GLYATL2: variants seen among roughly 807,000 people sequenced by gnomAD.
GLYATL2 encodes glycine-N-acyltransferase like 2, also known as glycine N-acyltransferase-like protein 2.
In GLYATL2, 25 loss-of-function variants were observed where a neutral mutation model predicts 21.4. The observed-to-expected ratio is 1.17, with a 90% CI of 0.85 to 1.63. The LOEUF is 1.63. Among genes scored for constraint, GLYATL2 ranks in the 40% most tolerant of loss-of-function variants. The probability of loss-of-function intolerance (pLI) is 0.00; values close to 1 mark genes in which losing one functional copy is unlikely to be tolerated. For missense variants in GLYATL2, 361 were observed against 343.3 expected (o/e 1.05, Z -0.41); for synonymous variants, 114 against 118.2 (o/e 0.96, Z 0.23).
chr11:58,902,546 G>A (rs1421235080), intron 1 of GLYATL2, among the ~76,000 whole-genome samples: 1 of 152,154 alleles, frequency 6.6e-6, no homozygotes, highest in Non-Finnish European at 1.5e-5. Flanking sequence ...GAGTTTAGAA[G>A]CATCTTTTAG....
At chr11:58,847,021 C>T (rs929811499), upstream of GLYATL2, among the ~76,000 whole-genome samples, 2 of 152,034 alleles carry the variant, frequency 1.3e-5, no homozygotes, top group African/African-American at 2.4e-5. Context: ...GGATAAGGCA[C>T]CAAATAGAGT....
At chr11:58,862,315 T>C (rs567555678) in intron 1 of GLYATL2, among the ~76,000 whole-genome samples, 1 of 152,194 alleles carries the variant, frequency 6.6e-6, no homozygotes, top group Non-Finnish European at 1.5e-5. Flanking sequence ...TATCAAACAC[T>C]TTTAATGTTC....
At chr11:58,879,766 A>G (rs1854299429) in intron 1 of GLYATL2, among the ~76,000 whole-genome samples, 1 of 152,152 alleles carries the variant, frequency 6.6e-6, no homozygotes. Flanking sequence ...ATGCTTGTAG[A>G]GCATTGTGAA....
At chr11:58,876,558 A>G (rs1475871722) in intron 1 of GLYATL2, among the ~76,000 whole-genome samples, 1 of 152,240 alleles carries the variant, frequency 6.6e-6, no homozygotes, top group Non-Finnish European at 1.5e-5. Flanking sequence ...GGTCTACTCC[A>G]GACCCTGTTT....
At chr11:58,903,886 A>G (rs906415230) in intron 1 of GLYATL2, among the ~76,000 whole-genome samples, 3 of 152,082 alleles carry the variant, frequency 2.0e-5, no homozygotes, top group South Asian at 2.1e-4. Flanking sequence ...TTTCAGTTGG[A>G]GTGGATTAGT....
intron 1 of GLYATL2, among the ~76,000 whole-genome samples, chr11:58,869,813 TG>T (rs1213100856): frequency 1.3e-5 from 2 of 152,238 alleles, no homozygotes; most frequent in Non-Finnish European, 2.9e-5. Context: ...CATACATTTT[TG>T]TCTGGGTTTT....
Position 58,863,924 on chromosome 11 carries a change from G to T in GLYATL2, n.61-25556C>A, listed in dbSNP as rs148360785. 2.2e-4 allele frequency among the ~76,000 whole-genome samples: 34 copies of T among 152,348 alleles called. No individual in the cohort carries two copies. The East Asian group carries it at 4.6e-3, about 21-fold the overall frequency. ...GGAACATAGGAACTGGCCCTGGAGA[G>T]TAGGGTGGCAGAAACTGGCCTAGCC... On this transcript the variant is annotated intron_variant and non_coding_transcript_variant, in intron 1 of 4. Coordinates refer to the GLYATL2 transcript ENST00000533636.
At chr11:58,840,248 C>T (rs1014068) in intron 1 of GLYATL2, among the ~76,000 whole-genome samples, 38,499 of 151,986 alleles carry the variant, frequency 0.25, 5,309 homozygotes, top group East Asian at 0.51. Context: ...TATATGTTAG[C>T]AACCTTAAAA....
intron 5 of GLYATL2, 38 bp downstream of exon 5, chr11:58,836,977 C>A: frequency 2.5e-6 from 4 of 1,581,866 alleles, no homozygotes; most frequent in Non-Finnish European, 3.5e-6. Flanking sequence ...CTCAGTAATT[C>A]TATCAAGGAA....
chr11:58,855,608 G>A (rs987410655), intron 1 of GLYATL2, among the ~76,000 whole-genome samples: 7 of 152,218 alleles, frequency 4.6e-5, no homozygotes, highest in Non-Finnish European at 8.8e-5. Flanking sequence ...ACTCTAATGA[G>A]AAAGTCAGCC....
intron 1 of GLYATL2, among the ~76,000 whole-genome samples, chr11:58,900,377 G>T (rs188967643): frequency 9.3e-4 from 142 of 152,280 alleles, no homozygotes; most frequent in Middle Eastern, 3.4e-3. Flanking sequence ...TGATTAAATA[G>T]AAAGACGATT....
At chr11:58,840,795 C>T (rs1342442563) in intron 1 of GLYATL2, 1 of 150,558 alleles carries the variant, frequency 6.6e-6, no homozygotes, top group East Asian at 2.0e-4. Context: ...TCTGATATCG[C>T]ACCACTGCAT....
At chr11:58,899,318 C>T (rs756896040) in intron 1 of GLYATL2, among the ~76,000 whole-genome samples, 7 of 152,148 alleles carry the variant, frequency 4.6e-5, no homozygotes, top group Admixed American at 6.5e-5. Flanking sequence ...CACTCCCAAC[C>T]GTTTCTCAGT....
At position 58,834,550 on chromosome 11, in the gene GLYATL2, G is replaced by A. The variant is rs984905516; in HGVS notation, c.764C>T (p.Pro255Leu). 2 of 1,613,440 alleles carry A rather than the reference G, an allele frequency of 1.2e-6. No homozygotes were observed. The highest frequency in any genetic ancestry group is 2.2e-5 in the East Asian group (1 of 44,892). Reference sequence around the variant, plus strand: ...ATTATCTGCCACATGGAAATAAAATGGGATTTCTTTCTGAGAAAGATACTT... The same window carrying A: ...ATTATCTGCCACATGGAAATAAAATAGGATTTCTTTCTGAGAAAGATACTT... ...LEKYLSQKEIPFYFHVADNNE... is the reference protein window; with the variant it reads ...LEKYLSQKEILFYFHVADNNE... The change falls in exon 6 of 6, where the codon CCA (proline) becomes CTA (leucine). Residue 255 changes from proline (P) to leucine (L), a missense_variant. Transcript: ENST00000287275.
chr11:58,906,051 C>T (rs1386796819), upstream of GLYATL2, among the ~76,000 whole-genome samples: 2 of 152,214 alleles, frequency 1.3e-5, no homozygotes, highest in South Asian at 4.1e-4. Context: ...TTCCCAACAC[C>T]TGCGAATCGG....
chr11:58,868,086 G>T (rs1854052009), intron 1 of GLYATL2, among the ~76,000 whole-genome samples: 4 of 148,792 alleles, frequency 2.7e-5, no homozygotes, highest in African/African-American at 9.7e-5. Context: ...GCCTACAGAT[G>T]GGAGAGGAAG....
At chr11:58,896,755 A>T (rs1854643291) in intron 1 of GLYATL2, among the ~76,000 whole-genome samples, 1 of 152,142 alleles carries the variant, frequency 6.6e-6, no homozygotes, top group Non-Finnish European at 1.5e-5. Flanking sequence ...TTTTTATTTT[A>T]ACGGTTTCTA....
At chr11:58,872,226 C>T (rs1310877761) in intron 1 of GLYATL2, among the ~76,000 whole-genome samples, 3 of 152,138 alleles carry the variant, frequency 2.0e-5, no homozygotes, top group East Asian at 1.9e-4. Flanking sequence ...TTCTCCCATT[C>T]TGTAGGTTGC....
intron 1 of GLYATL2, among the ~76,000 whole-genome samples, chr11:58,890,018 G>C (rs1335268720): frequency 1.3e-5 from 2 of 152,096 alleles, no homozygotes; most frequent in Non-Finnish European, 2.9e-5. Flanking sequence ...ATTACACGTT[G>C]ATGAGTCTTG....
Sources: allele counts gnomAD v4.1 joint callset (sites outside exome capture counted in the v4.1 genomes callset), GRCh38; gene constraint gnomAD v4.1.1; transcripts MANE v1.5; gene names NCBI Gene and HGNC (gene_info 2026-07-23, HGNC 2026-07-21).